Variants in ZNF318 observed in about 807,000 individuals in gnomAD.
ZNF318 encodes the protein zinc finger protein 318.
ZNF318 carries 51 observed loss-of-function variants against 124.2 expected under a neutral mutation model. The observed-to-expected ratio is 0.41, with a 90% confidence interval of 0.33 to 0.52. ZNF318 has a LOEUF of 0.52. Among genes scored for constraint, ZNF318 ranks in the 20% least tolerant of loss-of-function variants. The probability of loss-of-function intolerance (pLI) is 0.23; values close to 1 mark genes in which losing one functional copy is unlikely to be tolerated. For missense variants in ZNF318, 2,815 were observed against 2,811.2 expected (o/e 1.00, Z -0.03); for synonymous variants, 1,090 against 1,040.7 (o/e 1.05, Z -0.91).
At chr6:43,360,796 TA>T (rs1040060670) in intron 2 of ZNF318, among the ~76,000 whole-genome samples, 6 of 151,226 alleles carry the variant, frequency 4.0e-5, no homozygotes, top group Middle Eastern at 3.4e-3. Flanking sequence ...GGATGAACCT[TA>T]AAAAAAAATA....
intron 4 of ZNF318, among the ~76,000 whole-genome samples, 196 bp from the exon 5 acceptor site, chr6:43,352,672 T>G (rs9381237): frequency 2.0e-5 from 3 of 149,604 alleles, no homozygotes; most frequent in Middle Eastern, 3.4e-3. Flanking sequence ...TCAAAAACTA[T>G]ACTGTCCAGA....
In ZNF318 at chr6:43,357,680, G is replaced by A. The variant is rs566921271; in HGVS notation, c.634C>T (p.Pro212Ser). 10 of 1,613,032 alleles carry A rather than the reference G, an allele frequency of 6.2e-6. No individual in the cohort carries two copies. In the Admixed American group the frequency reaches 8.3e-5, roughly 13 times the overall value. Residue 212 changes from proline to serine, a missense_variant, in exon 3 of 10, where the codon CCT (proline) becomes TCT (serine). Transcript: ENST00000361428. ...AGTTGTCCCAAGAAGGGACTGAGAG[G>A]CCCTTCCTCCTGGGAAATATATCGC... Reference protein sequence around the residue: ...LERYISQEEGPLSPFLGQLDE... With the variant: ...LERYISQEEGSLSPFLGQLDE...
chr6:43,366,265 C>T (rs1397800870), intron 1 of ZNF318, among the ~76,000 whole-genome samples: 2 of 152,086 alleles, frequency 1.3e-5, no homozygotes, highest in African/African-American at 4.8e-5. Flanking sequence ...AACAGAAAAG[C>T]GGCCGGTGTG....
rs191743723 is a variant in ZNF318 at position 43,349,507 on chromosome 6, G to A, written c.2771-882C>T. On this transcript the variant is annotated intron_variant, in intron 5 of 9. Coordinates refer to ENST00000361428, the MANE Select transcript of ZNF318 (RefSeq NM_014345.3). ...TCTGAAAGTGCTGGGATACAGGTGT[G>A]AGCCACCACACCCAGCTGGCTTTTT... Among the ~76,000 whole-genome samples the A allele has an allele frequency of 1.3e-4, 20 of 151,194 alleles. No individual in the cohort carries two copies. The East Asian group carries it at 3.9e-3, about 29-fold the overall frequency.
chr6:43,339,167 C>G lies in ZNF318; in HGVS notation c.4831G>C (p.Asp1611His). The change falls in exon 10 of 10, where the codon GAC (aspartate) becomes CAC (histidine). Residue 1611 changes from aspartate (D) to histidine (H), a missense_variant. Coordinates refer to ENST00000361428, the MANE Select transcript of ZNF318 (RefSeq NM_014345.3). This position sits in a 1 kb window ranked among gnomAD's most constrained non-coding sequence, Gnocchi z 4.2. ...NSNLSRTKSS[D>H]TSSTSPLNSS... ...TTCAAAGGAGAAGTAGAAGAGGTGT[C>G]TGAACTTTTGGTTCTAGAGAGGTTG... 1 of 1,614,196 alleles carries G rather than the reference C, an allele frequency of 6.2e-7. No homozygotes were observed. The highest frequency in any genetic ancestry group is 8.5e-7 in the Non-Finnish European group (1 of 1,180,042).
Sources: gnomAD v4.1 joint callset for allele counts (sites outside exome capture counted in the v4.1 genomes callset) on GRCh38, gnomAD v4.1.1 for gene constraint, Gnocchi (gnomAD v3.1) non-coding constraint, MANE v1.5 for transcripts, NCBI Gene and HGNC (gene_info 2026-07-23, HGNC 2026-07-21) for gene names.